Variants in TRAPPC12 observed in about 807,000 individuals in gnomAD.
TRAPPC12 encodes TPR repeat protein 15.
TRAPPC12 carries 61 observed loss-of-function variants against 69.2 expected under a neutral mutation model. That is an observed-to-expected ratio of 0.88 (90% CI 0.72 to 1.09). The LOEUF (loss-of-function observed/expected upper bound fraction) is 1.09, where lower values mean the gene tolerates loss of function less well. Among genes scored for constraint, TRAPPC12 ranks in the 50% least tolerant of loss-of-function variants. The pLI is 0.00. For missense variants in TRAPPC12, 1,101 were observed against 1,016.4 expected (o/e 1.08, Z -1.13); for synonymous variants, 469 against 438.9 (o/e 1.07, Z -0.86).
intron 9 of TRAPPC12, 137 bp downstream of exon 9, chr2:3,465,832 G>A (rs1669044642): frequency 1.5e-6 from 1 of 682,718 alleles, no homozygotes; most frequent in Non-Finnish European, 2.6e-6. Context: ...ATGTGACCAT[G>A]AAAAGGGTGG....
At chr2:3,416,344 T>C (rs543474336) in intron 3 of TRAPPC12, among the ~76,000 whole-genome samples, 1 of 152,262 alleles carries the variant, frequency 6.6e-6, no homozygotes, top group African/African-American at 2.4e-5. Context: ...GGTAGGTTTC[T>C]TTATTCCTTC....
In TRAPPC12 at chr2:3,421,917, G is replaced by A. The variant is rs750192956; in HGVS notation, c.1201G>A (p.Gly401Arg). 1.9e-5 allele frequency: 31 copies of A among 1,613,920 alleles called. No individual in the cohort carries two copies. The highest frequency in any genetic ancestry group is 4.5e-5 in the East Asian group (2 of 44,880). ...CTGGAGGGCAGCAGTGGACCTGTGC[G>A]GACGTCTCCTCACAGCCCACGGCCA... ...RNWRAAVDLCGRLLTAHGQGY... is the reference protein window; with the variant it reads ...RNWRAAVDLCRRLLTAHGQGY... Residue 401 changes from glycine to arginine, a missense_variant, in exon 4 of 12, where the codon GGA becomes AGA. Coordinates refer to ENST00000324266, the MANE Select transcript of TRAPPC12 (RefSeq NM_016030.6).
Position 3,399,282 on chromosome 2 carries a change from A to G in TRAPPC12, c.1048-2495A>G, listed in dbSNP as rs143200833. On this transcript the variant is annotated intron_variant, in intron 2 of 11. Coordinates refer to ENST00000324266, the MANE Select transcript of TRAPPC12 (RefSeq NM_016030.6). ...TTGGCCCTCCGTCCCTGGCATTACAATTTGATTTTGCTCTTTACCCAGCTC... is the reference window on the plus strand; with the variant it reads ...TTGGCCCTCCGTCCCTGGCATTACAGTTTGATTTTGCTCTTTACCCAGCTC... Among the ~76,000 whole-genome samples the G allele has an allele frequency of 9.8e-5, 15 of 152,318 alleles. 1 individual carries two copies. The highest frequency in any genetic ancestry group is 2.6e-4 in the Admixed American group (4 of 15,290).
At chr2:3,409,688 T>C (rs1169101269) in intron 3 of TRAPPC12, among the ~76,000 whole-genome samples, 3 of 135,632 alleles carry the variant, frequency 2.2e-5, no homozygotes, top group Non-Finnish European at 4.5e-5. Context: ...CCGTGGAGGC[T>C]GCAGTGAGCC....
chr2:3,473,609 A>G (rs1389563218), intron 9 of TRAPPC12, among the ~76,000 whole-genome samples: 1 of 152,112 alleles, frequency 6.6e-6, no homozygotes, highest in African/African-American at 2.4e-5. Flanking sequence ...CCTCCCGAGT[A>G]GCTGGGAACA....
chr2:3,463,759 A>G (rs1665642722), intron 8 of TRAPPC12, among the ~76,000 whole-genome samples: 1 of 151,872 alleles, frequency 6.6e-6, no homozygotes, highest in Non-Finnish European at 1.5e-5. Flanking sequence ...GGAATGACCC[A>G]GTGACACTGC....
At chr2:3,452,202 G>A (rs112338495) in intron 6 of TRAPPC12, among the ~76,000 whole-genome samples, 4,293 of 152,204 alleles carry the variant, frequency 0.028, 231 homozygotes, top group African/African-American at 0.097. Flanking sequence ...TTGGTGAGAG[G>A]CTGGGTTCCT....
chr2:3,403,030 G>A (rs944897808), intron 3 of TRAPPC12, among the ~76,000 whole-genome samples: 44 of 152,182 alleles, frequency 2.9e-4, no homozygotes, highest in Admixed American at 2.4e-3. Flanking sequence ...GTTGAAATGC[G>A]CCCTTATCCT....
intron 8 of TRAPPC12, chr2:3,460,628 T>C: frequency 5.4e-6 from 2 of 373,536 alleles, no homozygotes; most frequent in Non-Finnish European, 9.6e-6. Context: ...CATTTTTCTC[T>C]GAACTCCATC....
At chr2:3,386,436 G>A (rs1019571687) in intron 1 of TRAPPC12, among the ~76,000 whole-genome samples, 4 of 152,024 alleles carry the variant, frequency 2.6e-5, no homozygotes, top group East Asian at 1.9e-4. Context: ...GTGTGATTTC[G>A]GCTTACATAG....
chr2:3,478,800 G>C (rs762035513), intron 10 of TRAPPC12, 46 bp from the exon 11 acceptor site: 17 of 1,554,666 alleles, frequency 1.1e-5, no homozygotes, highest in East Asian at 2.2e-5. Flanking sequence ...GGGGACAGCA[G>C]CTCCTGGGCT....
intron 6 of TRAPPC12, among the ~76,000 whole-genome samples, chr2:3,457,396 A>T (rs1301517180): frequency 6.6e-6 from 1 of 152,210 alleles, no homozygotes; most frequent in Admixed American, 6.5e-5. Flanking sequence ...ATCACCCAGT[A>T]TACCCAGGTA....
chr2:3,457,549 T>A (rs117666713), intron 6 of TRAPPC12, 72 bp from the exon 7 acceptor site: 22,431 of 1,248,392 alleles, frequency 0.018, 452 homozygotes, highest in East Asian at 0.066. Context: ...TGTACTGAGA[T>A]TATATTATAA....
Position 3,387,673 on chromosome 2 carries a change from A to AC in TRAPPC12, c.56dup (p.Gln20SerfsTer23). On this transcript the variant is annotated frameshift_variant, in exon 2 of 12. Transcript: ENST00000324266. LOFTEE classifies it high-confidence loss of function. ...GAGACCCCGGCCCCGGAGGCCCCGC[A>AC]CCCCCCTCAGCTCGCGCCTCCGGAG... 1.3e-6 allele frequency: 2 copies of AC among 1,555,852 alleles called. No individual in the cohort carries two copies. Among genetic ancestry groups the AC allele is most frequent in the Non-Finnish European group, 8.7e-7 (1 of 1,149,836 alleles).
At chr2:3,438,486 G>C (rs1664002575) in intron 5 of TRAPPC12, among the ~76,000 whole-genome samples, 1 of 75,888 alleles carries the variant, frequency 1.3e-5, no homozygotes, top group East Asian at 3.1e-4. Context: ...CACCAGCCCT[G>C]GATTAATCCC....
chr2:3,460,836 T>G (rs1004556314), intron 8 of TRAPPC12: 1 of 154,196 alleles, frequency 6.5e-6, no homozygotes, highest in African/African-American at 2.4e-5. Context: ...TGTCATCTGT[T>G]TTTCCGTGTC....
At chr2:3,382,447 G>C (rs1267295746) in intron 1 of TRAPPC12, among the ~76,000 whole-genome samples, 1 of 151,650 alleles carries the variant, frequency 6.6e-6, no homozygotes, top group African/African-American at 2.4e-5. Context: ...TTTTCTTTTA[G>C]GACTTTAGAA....
intron 8 of TRAPPC12, among the ~76,000 whole-genome samples, chr2:3,464,362 G>A (rs1665688777): frequency 6.6e-6 from 1 of 151,268 alleles, no homozygotes; most frequent in South Asian, 2.1e-4. Context: ...GGAGAGAGTC[G>A]TTTTGGGTTT....
In TRAPPC12 at chr2:3,414,720, A is replaced by ATTCCCCG. The variant is rs1662271363; in HGVS notation, c.1165-7159_1165-7153dup. 6.6e-6 allele frequency among the ~76,000 whole-genome samples: 1 copy of ATTCCCCG among 151,482 alleles called. No individual in the cohort carries two copies. The highest frequency in any genetic ancestry group is 1.5e-5 in the Non-Finnish European group (1 of 67,970). On this transcript the variant is annotated intron_variant, in intron 3 of 11. Coordinates refer to ENST00000324266, the MANE Select transcript of TRAPPC12 (RefSeq NM_016030.6). The surrounding 1 kb of genome is among the most constrained non-coding windows in gnomAD (Gnocchi z 4.9). ...GTGCCTCTGCCCCGCGAGGGACACCATTCCCCGTCGTTGACGTGCATTCCT... is the reference window on the plus strand; with the variant it reads ...GTGCCTCTGCCCCGCGAGGGACACCATTCCCCGTTCCCCGTCGTTGACGTGCATTCCT...
Sources: allele counts gnomAD v4.1 joint callset (sites outside exome capture counted in the v4.1 genomes callset), GRCh38; gene constraint gnomAD v4.1.1; non-coding constraint Gnocchi (gnomAD v3.1); transcripts MANE v1.5; gene names NCBI Gene and HGNC (gene_info 2026-07-23, HGNC 2026-07-21).